The following RB1CC1 variants were observed in gnomAD, a reference collection of about 807,000 sequenced individuals.
RB1CC1 encodes RB1-inducible coiled-coil protein 1.
A neutral mutation model predicts 177.5 loss-of-function variants in RB1CC1; 46 were observed. The observed-to-expected ratio is 0.26, with a 90% CI of 0.20 to 0.33. The LOEUF is 0.33. Ranked by LOEUF, RB1CC1 falls within the 10% of genes least tolerant of loss-of-function variation. The probability of loss-of-function intolerance (pLI) is 1.00; values close to 1 mark genes in which losing one functional copy is unlikely to be tolerated. For missense variants in RB1CC1, 1,703 were observed against 1,816.3 expected (o/e 0.94, Z 1.13); for synonymous variants, 666 against 613.6 (o/e 1.09, Z -1.26).
chr8:52,710,927 T>C (rs1047606620), intron 1 of RB1CC1, among the ~76,000 whole-genome samples: 1 of 152,102 alleles, frequency 6.6e-6, no homozygotes, highest in Non-Finnish European at 1.5e-5. Context: ...TTTCAACAGG[T>C]ATGCTGGACA....
At chr8:52,674,450 G>C (rs562008120) in intron 6 of RB1CC1, among the ~76,000 whole-genome samples, 176 bp from the exon 7 acceptor site, 1 of 152,144 alleles carries the variant, frequency 6.6e-6, no homozygotes, top group Non-Finnish European at 1.5e-5. Context: ...GTTTAGCAGA[G>C]AGAGGCTATC....
intron 1 of RB1CC1, 149 bp downstream of exon 1, chr8:52,713,926 G>A (rs1591177139): frequency 6.1e-6 from 1 of 163,816 alleles, no homozygotes; most frequent in Admixed American, 6.5e-5. Flanking sequence ...GGGAGGCGCC[G>A]GGGCCCTCCC....
At chr8:52,674,655 C>A (rs1346189256) in intron 6 of RB1CC1, among the ~76,000 whole-genome samples, 2 of 151,894 alleles carry the variant, frequency 1.3e-5, no homozygotes, top group Non-Finnish European at 2.9e-5. Context: ...GCAATCCCAG[C>A]TACTCAGGAG....
intron 8 of RB1CC1, among the ~76,000 whole-genome samples, chr8:52,665,062 C>A (rs1851951760): frequency 6.6e-6 from 1 of 151,994 alleles, no homozygotes; most frequent in East Asian, 1.9e-4. Context: ...ATCTGAGAAA[C>A]AGTTATAAAG....
At chr8:52,631,892 C>T (rs575597835) in intron 20 of RB1CC1, among the ~76,000 whole-genome samples, 1 of 152,300 alleles carries the variant, frequency 6.6e-6, no homozygotes, top group African/African-American at 2.4e-5. Context: ...GACACCTTGC[C>T]TAGCAAACAC....
Position 52,630,417 on chromosome 8 carries a change from C to T in RB1CC1, c.4499+53G>A, listed in dbSNP as rs1848673082. The T allele has an allele frequency of 2.7e-6, 4 of 1,508,366 alleles. No individual in the cohort carries two copies. The Admixed American group carries it at 7.3e-5, about 28-fold the overall frequency. 93.4% of individuals were successfully genotyped at this position (1,508,366 alleles called of 1,614,324 possible). A position where few individuals can be genotyped will look rare whatever the true frequency, so the allele number is the denominator to read the frequency against. On this transcript the variant is annotated intron_variant, in intron 21 of 23. Coordinates refer to ENST00000025008, the MANE Select transcript of RB1CC1 (RefSeq NM_014781.5). ...TGTCACTGAAATACATTTTCATTAA[C>T]AATTCAGTGAATGTTTTTCACAGAA...
At chr8:52,704,966 T>C (rs1856424480) in intron 1 of RB1CC1, among the ~76,000 whole-genome samples, 1 of 152,138 alleles carries the variant, frequency 6.6e-6, no homozygotes, top group Non-Finnish European at 1.5e-5. Flanking sequence ...AATTCTAAAT[T>C]AAAAGTAACA....
In RB1CC1 at chr8:52,636,069, T is replaced by C. The variant is rs752396874; in HGVS notation, c.4338A>G (p.Gln1446=). 11 of 1,602,438 alleles carry C rather than the reference T, an allele frequency of 6.9e-6. No homozygotes were observed. The highest frequency in any genetic ancestry group is 1.7e-5 in the Admixed American group (1 of 57,776). The change falls in exon 19 of 24, where the codon CAA becomes CAG. Residue 1446 remains glutamine (Q), a splice_region_variant and synonymous_variant. Coordinates refer to ENST00000025008, the MANE Select transcript of RB1CC1 (RefSeq NM_014781.5). Reference sequence around the variant, plus strand: ...CTTCAGACAACATATGAATATTTTCTCTAAAAGTGAGAATAATTGAGTTTC... The same window carrying C: ...CTTCAGACAACATATGAATATTTTCCCTAAAAGTGAGAATAATTGAGTTTC... The part of the protein sequence containing the change: ...SAMETSMMSV[Q]ENIHMLSEEK...
intron 21 of RB1CC1, 101 bp from the exon 22 acceptor site, chr8:52,628,269 A>C: frequency 8.8e-7 from 1 of 1,136,568 alleles, no homozygotes; most frequent in Non-Finnish European, 1.3e-6. Flanking sequence ...ATATTAAGAT[A>C]TTAATGCAAT....
intron 18 of RB1CC1, among the ~76,000 whole-genome samples, chr8:52,637,016 G>A (rs1849196024): frequency 6.6e-6 from 1 of 150,778 alleles, no homozygotes; most frequent in Non-Finnish European, 1.5e-5. Flanking sequence ...GTCAAACAGT[G>A]TGAGACTTTG....
chr8:52,705,096 T>A lies in RB1CC1; in HGVS notation c.-167+8979A>T, dbSNP rs75659467. Among the ~76,000 whole-genome samples the A allele has an allele frequency of 4.0e-3, 616 of 152,270 alleles. 6 individuals are homozygous for A. Among genetic ancestry groups the A allele is most frequent in the African/African-American group, 0.014 (591 of 41,554 alleles). The stretch of plus-strand genomic sequence containing the variant: ...AACTGCCTACCATATATACTGAGAC[T>A]TCGTAGGACAGAACAACTGTCAAAA... On this transcript the variant is annotated intron_variant, in intron 1 of 23. Transcript: ENST00000025008.
chr8:52,673,237 C>T (rs1041508506), intron 7 of RB1CC1, among the ~76,000 whole-genome samples: 6 of 152,212 alleles, frequency 3.9e-5, no homozygotes, highest in Non-Finnish European at 5.9e-5. Context: ...CATGCCCCAT[C>T]AACTTCCTTC....
rs560604766 is a variant in RB1CC1, at chr8:52,628,120, G to A, written c.4548C>T (p.Asp1516=). 3 of 1,607,978 alleles carry A rather than the reference G, an allele frequency of 1.9e-6. No homozygotes were observed. Among genetic ancestry groups the A allele is most frequent in the African/African-American group, 2.7e-5 (2 of 74,794 alleles). The change falls in exon 22 of 24, where the codon GAC becomes GAT. Residue 1516 remains aspartate (D), a synonymous_variant. Transcript: ENST00000025008. ...LVLIILDERH[D]NYVLFTVSPT... ...GACTAACAGTAAATAACACATAATT[G>A]TCATGGCGTTCGTCTAGGATGATGA...
intron 19 of RB1CC1, 95 bp from the exon 20 acceptor site, chr8:52,635,063 T>A: frequency 8.7e-7 from 1 of 1,151,676 alleles, no homozygotes; most frequent in Non-Finnish European, 1.2e-6. Flanking sequence ...ACAAAAATGT[T>A]TGGTTCGGGT....
intron 20 of RB1CC1, among the ~76,000 whole-genome samples, chr8:52,634,141 G>GAAACA (rs1159386940): frequency 6.6e-6 from 1 of 151,568 alleles, no homozygotes; most frequent in Non-Finnish European, 1.5e-5. Flanking sequence ...AATTAAAAAC[G>GAAACA]AAACAAAACA....
chr8:52,659,639 C>T (rs1563395439), intron 12 of RB1CC1, among the ~76,000 whole-genome samples: 1 of 152,148 alleles, frequency 6.6e-6, no homozygotes, highest in Non-Finnish European at 1.5e-5. Context: ...GTCACCAATT[C>T]TTATGTATTA....
At chr8:52,687,222 T>C (rs901238409) in intron 1 of RB1CC1, among the ~76,000 whole-genome samples, 1 of 152,106 alleles carries the variant, frequency 6.6e-6, no homozygotes, top group Non-Finnish European at 1.5e-5. Flanking sequence ...AATATTATGG[T>C]AAAGAAGTAT....
chr8:52,623,698 G>C lies in RB1CC1; in HGVS notation c.*84C>G. 1 of 950,194 alleles carries C rather than the reference G, an allele frequency of 1.1e-6. No homozygotes were observed. The highest frequency in any genetic ancestry group is 2.1e-4 in the Middle Eastern group (1 of 4,776). 58.9% of individuals were successfully genotyped at this position (950,194 alleles called of 1,614,324 possible). The stretch of plus-strand genomic sequence containing the variant: ...ACGCTGACTTTTGCATAAAAAGATG[G>C]CCTGCTGTTTTTGGAGTGATGAATG... On this transcript the variant is annotated 3_prime_UTR_variant, in exon 24 of 24. Transcript: ENST00000025008.
chr8:52,661,775 A>G (rs1591010133), intron 8 of RB1CC1, 56 bp from the exon 9 acceptor site: 2 of 1,317,284 alleles, frequency 1.5e-6, no homozygotes, highest in South Asian at 1.7e-5. Context: ...AAAGGTATGG[A>G]CATTCAGTTA....
Sources: gnomAD v4.1 joint callset for allele counts (sites outside exome capture counted in the v4.1 genomes callset) on GRCh38, gnomAD v4.1.1 for gene constraint, MANE v1.5 for transcripts, NCBI Gene and HGNC (gene_info 2026-07-23, HGNC 2026-07-21) for gene names.